Variants in MACROD2 observed in about 807,000 individuals in gnomAD.
MACROD2 encodes mono-ADP ribosylhydrolase 2, also known as ADP-ribose glycohydrolase MACROD2.
In MACROD2, 36 loss-of-function variants were observed where a neutral mutation model predicts 70.4. The observed-to-expected ratio is 0.51, with a 90% CI of 0.39 to 0.68. MACROD2 has a LOEUF of 0.68. MACROD2 is among the 30% of genes least tolerant of loss of function. MACROD2 has a pLI of 0.00. For missense variants in MACROD2, 496 were observed against 538.4 expected, an observed-to-expected ratio of 0.92 and a Z score of 0.78; for synonymous variants, 172 against 178.8, an observed-to-expected ratio of 0.96 and a Z score of 0.30.
intron 4 of MACROD2, among the ~76,000 whole-genome samples, chr20:14,682,990 C>T (rs2070952710): frequency 6.6e-6 from 1 of 152,124 alleles, no homozygotes; most frequent in South Asian, 2.1e-4. Flanking sequence ...AGCAATTCTC[C>T]TGCCTCAGCC....
chr20:14,880,264 G>A (rs1191023928), intron 5 of MACROD2, among the ~76,000 whole-genome samples: 1 of 152,166 alleles, frequency 6.6e-6, no homozygotes, highest in Non-Finnish European at 1.5e-5. Context: ...TGCCAACACA[G>A]CCTCTGATCA....
chr20:14,395,002 G>T (rs2083566543), intron 3 of MACROD2, among the ~76,000 whole-genome samples: 1 of 151,966 alleles, frequency 6.6e-6, no homozygotes, highest in Non-Finnish European at 1.5e-5. Context: ...AAAATTTTAA[G>T]ATTTTTTATA....
At chr20:15,770,084 ATTTTCTTTTTT>A (rs2051597689) in intron 8 of MACROD2, among the ~76,000 whole-genome samples, 1 of 125,704 alleles carries the variant, frequency 8.0e-6, no homozygotes, top group African/African-American at 3.3e-5. Flanking sequence ...ATTTATTTTA[ATTTTCTTTTTT>A]TTTTTTTTTT....
chr20:14,261,762 G>A (rs1324217729), intron 3 of MACROD2, among the ~76,000 whole-genome samples: 2 of 152,156 alleles, frequency 1.3e-5, no homozygotes, highest in Non-Finnish European at 2.9e-5. Flanking sequence ...GTAACTCATA[G>A]ACTCTGTCTA....
intron 6 of MACROD2, among the ~76,000 whole-genome samples, chr20:15,323,651 C>T (rs2077896077): frequency 6.6e-6 from 1 of 152,162 alleles, no homozygotes; most frequent in Admixed American, 6.5e-5. Flanking sequence ...TCCCACACCC[C>T]TCCATCATCT....
At chr20:14,003,743 C>A in intron 2 of MACROD2, 1 of 448,762 alleles carries the variant, frequency 2.2e-6, no homozygotes. Flanking sequence ...CTGGTTGTTG[C>A]TCTGTAAAGA....
chr20:14,293,598 C>T (rs1031152665), intron 3 of MACROD2, among the ~76,000 whole-genome samples: 1 of 151,758 alleles, frequency 6.6e-6, no homozygotes, highest in African/African-American at 2.4e-5. Flanking sequence ...GGTGTGAGTT[C>T]AGAGAGGTGA....
chr20:15,666,805 G>C (rs2049904133), intron 8 of MACROD2, among the ~76,000 whole-genome samples: 1 of 152,162 alleles, frequency 6.6e-6, no homozygotes, highest in African/African-American at 2.4e-5. Context: ...AGCCATGTCA[G>C]AAGAACCCCC....
intron 5 of MACROD2, among the ~76,000 whole-genome samples, chr20:15,129,618 T>A (rs1207736839): frequency 1.3e-5 from 2 of 152,154 alleles, no homozygotes; most frequent in African/African-American, 4.8e-5. Flanking sequence ...CTGTGTTTAA[T>A]CATTCCAAGT....
chr20:14,888,847 G>A (rs1420572841), intron 5 of MACROD2, among the ~76,000 whole-genome samples: 2 of 152,162 alleles, frequency 1.3e-5, no homozygotes, highest in African/African-American at 4.8e-5. Flanking sequence ...TTGGTAGCAT[G>A]ATGAGTAATT....
At chr20:15,028,877 A>C (rs2075253553) in intron 5 of MACROD2, among the ~76,000 whole-genome samples, 1 of 152,228 alleles carries the variant, frequency 6.6e-6, no homozygotes, top group African/African-American at 2.4e-5. Context: ...GAGGATGGCA[A>C]GTAATGAGGT....
intron 8 of MACROD2, among the ~76,000 whole-genome samples, chr20:15,582,134 A>C (rs2048533776): frequency 6.6e-6 from 1 of 151,506 alleles, no homozygotes; most frequent in African/African-American, 2.4e-5. Flanking sequence ...AAAAAAAAAA[A>C]AGTTCTGCCA....
chr20:15,735,346 T>G (rs1209435805), intron 8 of MACROD2, among the ~76,000 whole-genome samples: 1 of 152,206 alleles, frequency 6.6e-6, no homozygotes, highest in Non-Finnish European at 1.5e-5. Flanking sequence ...TGACTCATAA[T>G]GAATATGAGA....
At chr20:15,656,845 G>A (rs2146807333) in intron 8 of MACROD2, among the ~76,000 whole-genome samples, 1 of 151,926 alleles carries the variant, frequency 6.6e-6, no homozygotes, top group South Asian at 2.1e-4. Context: ...AGAATAGATT[G>A]CACTACTAAG....
intron 8 of MACROD2, among the ~76,000 whole-genome samples, chr20:15,757,930 A>G (rs1229184319): frequency 6.6e-6 from 1 of 152,306 alleles, no homozygotes; most frequent in East Asian, 1.9e-4. Flanking sequence ...GGGAGGACAC[A>G]ATCATTTAGC....
chr20:15,980,434 A>G (rs546202056), intron 13 of MACROD2, among the ~76,000 whole-genome samples: 1 of 152,184 alleles, frequency 6.6e-6, no homozygotes, highest in South Asian at 2.1e-4. Context: ...CAATAGATTG[A>G]TAGTGATTCA....
At chr20:14,544,663 G>A (rs1056543391) in intron 4 of MACROD2, among the ~76,000 whole-genome samples, 14 of 152,096 alleles carry the variant, frequency 9.2e-5, no homozygotes, top group Non-Finnish European at 7.4e-5. Flanking sequence ...TATGTGAGAG[G>A]TAATCTCAAG....
Position 15,072,693 on chromosome 20 carries a change from T to C in MACROD2, c.419-157247T>C, listed in dbSNP as rs536355705. On this transcript the variant is annotated intron_variant, in intron 5 of 17. Coordinates refer to ENST00000684519, the MANE Select transcript of MACROD2 (RefSeq NM_001351661.2). ...AGCCATCCTGCTATATAATCTGGAG[T>C]CTAGGAAAAGTACATGTCATTTTAC... Among the ~76,000 whole-genome samples, 3 of 152,232 alleles carry C rather than the reference T, an allele frequency of 2.0e-5. No homozygotes were observed. In the South Asian group the frequency reaches 6.2e-4, roughly 32 times the overall value.
At chr20:15,736,781 C>T (rs1209036407) in intron 8 of MACROD2, among the ~76,000 whole-genome samples, 1 of 152,132 alleles carries the variant, frequency 6.6e-6, no homozygotes, top group African/African-American at 2.4e-5. Flanking sequence ...CTTTAAGTAG[C>T]CATTGGCTCC....
Sources: gnomAD v4.1 joint callset for allele counts (sites outside exome capture counted in the v4.1 genomes callset) on GRCh38, gnomAD v4.1.1 for gene constraint, MANE v1.5 for transcripts, NCBI Gene and HGNC (gene_info 2026-07-23, HGNC 2026-07-21) for gene names.